DLG4: variants seen among roughly 807,000 people sequenced by gnomAD.
DLG4 encodes the protein disks large homolog 4.
Under a neutral mutation model 93.8 loss-of-function variants are expected in DLG4, and 7 were observed. The ratio of observed to expected loss-of-function variants is 0.07; its 90% confidence interval spans 0.04 to 0.14. The LOEUF is 0.14. DLG4 is among the 10% of genes least tolerant of loss of function. The pLI, the probability that DLG4 is intolerant of heterozygous loss-of-function variation, is 1.00. For synonymous variants in DLG4, 341 were observed against 387.6 expected, an observed-to-expected ratio of 0.88 and a Z score of 1.41; for missense variants, 545 against 992.9, an observed-to-expected ratio of 0.55 and a Z score of 6.06.
In DLG4 at chr17:7,196,589, G is replaced by T; in HGVS notation, c.1084-14C>A. On this transcript the variant is annotated splice_polypyrimidine_tract_variant and intron_variant, in intron 9 of 19. Coordinates refer to ENST00000399506, the MANE Select transcript of DLG4 (RefSeq NM_001321075.3). This position sits in a 1 kb window ranked among gnomAD's most constrained non-coding sequence, Gnocchi z 8.3. ...CACACCGTTGACCTAGAGAGAGGAC[G>T]ACAGGCTGTGTCACCAGAGACAGGA... is the stretch of plus-strand genomic sequence containing the variant. The T allele has an allele frequency of 6.2e-7, 1 of 1,613,352 alleles. No individual in the cohort carries two copies. Among genetic ancestry groups the T allele is most frequent in the South Asian group, 1.1e-5 (1 of 91,028 alleles).
rs560100344 is a variant in DLG4 at position 7,191,277 on chromosome 17, C to T, written c.2058G>A (p.Glu686=). 1,657 of 1,613,948 alleles carry T rather than the reference C, an allele frequency of 1.0e-3. 30 individuals are homozygous for T. In the South Asian group the frequency reaches 0.017, roughly 17 times the overall value. The change falls in exon 19 of 20, where the codon GAG becomes GAA. Residue 686 remains glutamate, a synonymous_variant. Coordinates refer to ENST00000399506, the MANE Select transcript of DLG4 (RefSeq NM_001321075.3). This position sits in a 1 kb window ranked among gnomAD's most constrained non-coding sequence, Gnocchi z 6.6. ...RATKLEQEFT[E]CFSAIVEGDS... is the part of the protein sequence containing the mutation. Reference sequence around the variant, plus strand: ...TTGCTGTGGCCTCACCTGAGAAGCACTCTGTGAACTCCTGCTCCAGCTTGG... The same window carrying T: ...TTGCTGTGGCCTCACCTGAGAAGCATTCTGTGAACTCCTGCTCCAGCTTGG...
upstream of DLG4, chr17:7,219,867 G>T (rs1381804507): frequency 6.5e-7 from 1 of 1,539,384 alleles, no homozygotes; most frequent in Non-Finnish European, 8.7e-7. Flanking sequence ...GCCCGCAACC[G>T]TCCGCCGCCC....
At chr17:7,212,113 T>C (rs1244169884) in intron 1 of DLG4, among the ~76,000 whole-genome samples, 2 of 151,860 alleles carry the variant, frequency 1.3e-5, no homozygotes, top group Non-Finnish European at 1.5e-5. Flanking sequence ...GGACATCTCG[T>C]CACTACTGGC....
In DLG4 at chr17:7,192,975, G is replaced by A; in HGVS notation, c.1836C>T (p.Ser612=). 7 of 1,613,580 alleles carry A rather than the reference G, an allele frequency of 4.3e-6. No homozygotes were observed. Among genetic ancestry groups the A allele is most frequent in the Non-Finnish European group, 5.9e-6 (7 of 1,179,662 alleles). The change falls in exon 17 of 20, where the codon AGC becomes AGT. Residue 612 remains serine, a synonymous_variant. Coordinates refer to ENST00000399506, the MANE Select transcript of DLG4 (RefSeq NM_001321075.3). ...GQYNSHLYGT[S]VQSVREVAEQ... ...CTGCCACCTCTCGCACGGACTGGAC[G>A]CTGGTCCCATAGAGGTGGCTGTTGT...
intron 1 of DLG4, among the ~76,000 whole-genome samples, chr17:7,212,226 A>G (rs1363522736): frequency 2.0e-5 from 3 of 152,038 alleles, no homozygotes; most frequent in African/African-American, 7.3e-5. Context: ...TGCTGTGGAT[A>G]GCATCTCCTC....
chr17:7,218,751 ATTTGGGGAGAAGGATC>A (rs1032854460), upstream of DLG4: 5 of 1,590,626 alleles, frequency 3.1e-6, no homozygotes, highest in Non-Finnish European at 4.3e-6. Flanking sequence ...CTACGGAAAG[ATTTGGGGAGAAGGATC>A]TCCGAGCCCC....
upstream of DLG4, chr17:7,219,981 G>A: frequency 6.2e-7 from 1 of 1,601,834 alleles, no homozygotes; most frequent in Non-Finnish European, 8.5e-7. Context: ...GGAGAGATTC[G>A]GAGATGCAGG....
At position 7,189,251 on chromosome 17, in the gene DLG4, G is replaced by C. The variant is rs369032846; in HGVS notation, c.*1457C>G. On this transcript the variant is annotated 3_prime_UTR_variant, in exon 20 of 20. Transcript: ENST00000399506. ...TCACGCCTGTAATCCCAGCACTTTG[G>C]GAGGCTGAGGCGGGTGGATAACAAG... 5.9e-5 allele frequency among the ~76,000 whole-genome samples: 9 copies of C among 151,660 alleles called. No individual in the cohort carries two copies. The highest frequency in any genetic ancestry group is 4.6e-4 in the Admixed American group (7 of 15,252).
Position 7,203,374 on chromosome 17 carries a change from TG to T in DLG4, c.506-46del, listed in dbSNP as rs3833133. 19,910 of 1,592,476 alleles carry T rather than the reference TG, an allele frequency of 0.013. 920 individuals carry two copies. The East Asian group carries it at 0.18, about 15-fold the overall frequency. ...GAGGTGGGTGCCCAGGAAGCAGGCT[TG>T]GGGGCACAGGACAGTTGGGATGGGG... On this transcript the variant is annotated intron_variant, in intron 6 of 19. Coordinates refer to ENST00000399506, the MANE Select transcript of DLG4 (RefSeq NM_001321075.3). This position sits in a 1 kb window ranked among gnomAD's most constrained non-coding sequence, Gnocchi z 7.2.
intron 1 of DLG4, among the ~76,000 whole-genome samples, chr17:7,214,252 T>C (rs1248261405): frequency 6.6e-6 from 1 of 152,094 alleles, no homozygotes; most frequent in Non-Finnish European, 1.5e-5. Context: ...ACTTGGACAA[T>C]AGCTCCTCAA....
intron 2 of DLG4, among the ~76,000 whole-genome samples, chr17:7,206,168 C>A (rs530901164): frequency 5.3e-5 from 8 of 151,980 alleles, no homozygotes; most frequent in Non-Finnish European, 1.2e-4. Flanking sequence ...TAGCTCACTG[C>A]GGCCTTGAAC....
intron 8 of DLG4, among the ~76,000 whole-genome samples, chr17:7,200,744 C>A (rs2070078294): frequency 6.6e-6 from 1 of 151,804 alleles, no homozygotes; most frequent in Admixed American, 6.6e-5. Flanking sequence ...TGGGGTTTCT[C>A]CATGTTGGTT....
rs2070587000 is a variant in DLG4, at chr17:7,208,609, C to T, written c.31-370G>A. ...CCTCCAGCTTCTCAGAGCTCTAGCCCCGACACTCACATCTCCATTCTCTGC... is the reference window on the plus strand; with the variant it reads ...CCTCCAGCTTCTCAGAGCTCTAGCCTCGACACTCACATCTCCATTCTCTGC... On this transcript the variant is annotated intron_variant, in intron 1 of 19. Coordinates refer to ENST00000399506, the MANE Select transcript of DLG4 (RefSeq NM_001321075.3). The surrounding 1 kb of genome is among the most constrained non-coding windows in gnomAD (Gnocchi z 5.4). Among the ~76,000 whole-genome samples, 1 of 152,074 alleles carries T rather than the reference C, an allele frequency of 6.6e-6. No individual in the cohort carries two copies. The highest frequency in any genetic ancestry group is 1.5e-5 in the Non-Finnish European group (1 of 68,012).
intron 8 of DLG4, among the ~76,000 whole-genome samples, chr17:7,201,947 T>C (rs980573467): frequency 1.3e-5 from 2 of 152,226 alleles, no homozygotes; most frequent in Non-Finnish European, 2.9e-5. Context: ...TGTATCATTA[T>C]AAAATGTTTG....
In DLG4 at chr17:7,188,228, G is replaced by A. The variant is rs2069347219; in HGVS notation, c.*2480C>T. ...TAGAAAATCCTGCAGGGCAATACGT[G>A]GCTACTGGTTGAAGTGACACCCCTT... On this transcript the variant is annotated 3_prime_UTR_variant, in exon 20 of 20. Transcript: ENST00000399506. Among the ~76,000 whole-genome samples the A allele has an allele frequency of 6.6e-6, 1 of 152,106 alleles. No homozygotes were observed. The highest frequency in any genetic ancestry group is 1.5e-5 in the Non-Finnish European group (1 of 68,028).
At position 7,190,025 on chromosome 17, in the gene DLG4, C is replaced by T. The variant is rs1482551426; in HGVS notation, c.*683G>A. ...CCCCTGCCCCCCACCCTCCCTCCCG[C>T]ATTTCCCACTCCCTAGACCCATCCC... On this transcript the variant is annotated 3_prime_UTR_variant, in exon 20 of 20. Coordinates refer to ENST00000399506, the MANE Select transcript of DLG4 (RefSeq NM_001321075.3). The T allele has an allele frequency of 3.2e-5, 4 of 125,994 alleles. No homozygotes were observed. Among genetic ancestry groups the T allele is most frequent in the Middle Eastern group, 3.8e-3 (1 of 260 alleles). The allele number at this position is 125,994 out of a possible 1,614,324, so 7.8% of individuals were successfully genotyped here.
Position 7,204,200 on chromosome 17 carries a change from T to C in DLG4, c.149A>G (p.Tyr50Cys). The change falls in exon 3 of 20, where the codon TAT becomes TGT. Residue 50 changes from tyrosine (Y) to cysteine (C), a missense_variant and splice_region_variant. Transcript: ENST00000399506. ...AGCCCCAAAATCTAAACAACTCACA[T>C]ATCCTGGGGCTTCTAGGGTATCTGT... ...VNTDTLEAPGYELQVNGTEGE... is the reference protein window; with the variant it reads ...VNTDTLEAPGCELQVNGTEGE... 1 of 1,607,194 alleles carries C rather than the reference T, an allele frequency of 6.2e-7. No homozygotes were observed. Among genetic ancestry groups the C allele is most frequent in the Non-Finnish European group, 8.5e-7 (1 of 1,175,388 alleles).
chr17:7,219,987 G>A (rs768236474), upstream of DLG4: 8 of 1,602,654 alleles, frequency 5.0e-6, no homozygotes, highest in African/African-American at 9.3e-5. Context: ...ATTCGGAGAT[G>A]CAGGCGGCTC....
chr17:7,204,217 G>A lies in DLG4; in HGVS notation c.132C>T (p.Thr44=), dbSNP rs777732363. ...AACTCACATATCCTGGGGCTTCTAG[G>A]GTATCTGTGTTGACAATCACTGGGG... ...NSPPVIVNTD[T]LEAPGYELQV... is the part of the protein sequence containing the mutation. The change falls in exon 3 of 20, where the codon ACC becomes ACT. Residue 44 remains threonine (T), a synonymous_variant. Transcript: ENST00000399506. 8.7e-6 allele frequency: 14 copies of A among 1,604,456 alleles called. No individual in the cohort carries two copies. In the Admixed American group the frequency reaches 1.5e-4, roughly 17 times the overall value.
Sources: gnomAD v4.1 joint callset for allele counts (sites outside exome capture counted in the v4.1 genomes callset) on GRCh38, gnomAD v4.1.1 for gene constraint, Gnocchi (gnomAD v3.1) non-coding constraint, MANE v1.5 for transcripts, NCBI Gene and HGNC (gene_info 2026-07-23, HGNC 2026-07-21) for gene names.